BIN1: variants seen among roughly 807,000 people sequenced by gnomAD.
The protein encoded by BIN1 is bridging integrator 1, also known as myc box-dependent-interacting protein 1.
Under a neutral mutation model 82.0 loss-of-function variants are expected in BIN1, and 53 were observed. That is an observed-to-expected ratio of 0.65 (90% CI 0.52 to 0.81). The LOEUF (loss-of-function observed/expected upper bound fraction) is 0.81, where lower values mean the gene tolerates loss of function less well. Among genes scored for constraint, BIN1 ranks in the 40% least tolerant of loss-of-function variants. The probability of loss-of-function intolerance (pLI) is 0.00; values close to 1 mark genes in which losing one functional copy is unlikely to be tolerated. For missense variants in BIN1, 642 were observed against 784.4 expected, an observed-to-expected ratio of 0.82 and a Z score of 2.17; for synonymous variants, 302 against 328.0, an observed-to-expected ratio of 0.92 and a Z score of 0.86.
intron 17 of BIN1, 40 bp from the exon 18 acceptor site, chr2:127,050,562 A>G (rs752227751): frequency 1.5e-5 from 24 of 1,607,432 alleles, no homozygotes; most frequent in Non-Finnish European, 2.0e-5. Context: ...CTTCCGTCCC[A>G]CCTCCAGCCC....
intron 1 of BIN1, among the ~76,000 whole-genome samples, chr2:127,100,275 A>G (rs1573813542): frequency 6.6e-6 from 1 of 152,330 alleles, no homozygotes; most frequent in East Asian, 1.9e-4. Context: ...CACACACTCC[A>G]AAGTGCAAGC....
rs1681250618 is a variant in BIN1, at chr2:127,107,017, C to A, written c.-74G>T. ...ATCTTGCGCGCCGCGCTCCCAGCCCCCAGCCCCGGCCGCGCGTCCAGACCG... is the reference window on the plus strand; with the variant it reads ...ATCTTGCGCGCCGCGCTCCCAGCCCACAGCCCCGGCCGCGCGTCCAGACCG... On this transcript the variant is annotated 5_prime_UTR_variant, in exon 1 of 19. Transcript: ENST00000316724. The surrounding 1 kb of genome is among the most constrained non-coding windows in gnomAD (Gnocchi z 5.9). The A allele has an allele frequency of 4.9e-6, 7 of 1,428,106 alleles. No homozygotes were observed. The highest frequency in any genetic ancestry group is 5.5e-6 in the Non-Finnish European group (6 of 1,089,514). 88.5% of individuals were successfully genotyped at this position (1,428,106 alleles called of 1,614,324 possible). A position where few individuals can be genotyped will look rare whatever the true frequency, so the allele number is the denominator to read the frequency against.
intron 1 of BIN1, among the ~76,000 whole-genome samples, chr2:127,096,846 G>C (rs1045588314): frequency 2.6e-5 from 4 of 152,234 alleles, no homozygotes; most frequent in Non-Finnish European, 4.4e-5. Flanking sequence ...GCCCCAGAGA[G>C]ATGGTGAGCT....
rs900859369 is a variant in BIN1, at chr2:127,068,563, CCTA to C, written c.520-311_520-309del. Among the ~76,000 whole-genome samples the C allele has an allele frequency of 2.9e-4, 44 of 152,222 alleles. No individual in the cohort carries two copies. Among genetic ancestry groups the C allele is most frequent in the Admixed American group, 7.2e-4 (11 of 15,292 alleles). On this transcript the variant is annotated intron_variant, in intron 6 of 18. Transcript: ENST00000316724. This position sits in a 1 kb window ranked among gnomAD's most constrained non-coding sequence, Gnocchi z 4.9. The stretch of plus-strand genomic sequence containing the variant: ...AAGGATGAGTGGGGCCAGCTCTGCA[CCTA>C]CTGGCTCGCTCCAGCCAGGGACAGG...
chr2:127,063,724 G>A (rs960940325), intron 8 of BIN1, 78 bp from the exon 9 acceptor site: 11 of 1,496,566 alleles, frequency 7.4e-6, no homozygotes, highest in African/African-American at 1.4e-5. Flanking sequence ...ACCCACGAGC[G>A]ACCACACACG....
At chr2:127,050,969 C>T in intron 16 of BIN1, 57 bp from the exon 17 acceptor site, 4 of 1,570,142 alleles carry the variant, frequency 2.5e-6, no homozygotes, top group Non-Finnish European at 3.5e-6. Context: ...ACAGCCAGGG[C>T]CACCGAGGAG....
At chr2:127,052,029 C>A (rs1683022277) in intron 15 of BIN1, among the ~76,000 whole-genome samples, 2 of 152,348 alleles carry the variant, frequency 1.3e-5, no homozygotes, top group East Asian at 3.9e-4. Context: ...GGAGGCTGGG[C>A]TGGGGTGGGC....
At chr2:127,076,568 T>G in intron 2 of BIN1, 58 bp downstream of exon 2, 2 of 1,599,246 alleles carry the variant, frequency 1.3e-6, no homozygotes, top group South Asian at 1.1e-5. Flanking sequence ...CGTGCCATTT[T>G]TCACCTGGCA....
chr2:127,077,900 G>T (rs913862037), intron 1 of BIN1, among the ~76,000 whole-genome samples: 1 of 152,114 alleles, frequency 6.6e-6, no homozygotes, highest in South Asian at 2.1e-4. Context: ...GAAGGAAACG[G>T]GGGTAGGGGA....
chr2:127,102,313 T>C (rs1680456551), intron 1 of BIN1, among the ~76,000 whole-genome samples: 1 of 152,160 alleles, frequency 6.6e-6, no homozygotes, highest in African/African-American at 2.4e-5. Context: ...CCTGGTCAGA[T>C]GCCAGTGAGA....
chr2:127,091,964 A>ACATGCGGAGGGAGTCACGT (rs1678990357), intron 1 of BIN1, among the ~76,000 whole-genome samples: 1 of 148,422 alleles, frequency 6.7e-6, no homozygotes. Flanking sequence ...GGGGACAAGA[A>ACATGCGGAGGGAGTCACGT]CATGCGGAGG....
intron 18 of BIN1, among the ~76,000 whole-genome samples, chr2:127,049,777 T>C (rs1420456774): frequency 6.6e-6 from 1 of 151,638 alleles, no homozygotes; most frequent in East Asian, 1.9e-4. Context: ...TCCAGGAGGG[T>C]CCCAGACCTA....
At chr2:127,060,575 C>G (rs200135186) in intron 10 of BIN1, 32 of 1,613,930 alleles carry the variant, frequency 2.0e-5, no homozygotes, top group Non-Finnish European at 2.6e-5. Flanking sequence ...TGCGCCCCTC[C>G]GCAGCACTCA....
chr2:127,067,649 G>A lies in BIN1; in HGVS notation c.612+514C>T, dbSNP rs561693196. 3.3e-5 allele frequency among the ~76,000 whole-genome samples: 5 copies of A among 152,322 alleles called. No homozygotes were observed. The highest frequency in any genetic ancestry group is 6.5e-5 in the Admixed American group (1 of 15,306). ...GGACCACAAGTCCGAGGAAAATGAC[G>A]CAGGGGCTTCAGTCAGGAGAGCCCC... is the stretch of plus-strand genomic sequence containing the variant. On this transcript the variant is annotated intron_variant, in intron 7 of 18. Coordinates refer to ENST00000316724, the MANE Select transcript of BIN1 (RefSeq NM_139343.3). This position sits in a 1 kb window ranked among gnomAD's most constrained non-coding sequence, Gnocchi z 4.7.
At chr2:127,106,406 T>G (rs1681132557) in intron 1 of BIN1, among the ~76,000 whole-genome samples, 1 of 152,174 alleles carries the variant, frequency 6.6e-6, no homozygotes, top group Non-Finnish European at 1.5e-5. Context: ...GGGGGAATAG[T>G]GTCCCCAGGG....
intron 9 of BIN1, among the ~76,000 whole-genome samples, chr2:127,062,616 T>C (rs1318353775): frequency 1.3e-5 from 2 of 151,970 alleles, no homozygotes; most frequent in African/African-American, 4.8e-5. Context: ...CGAGCGGAGG[T>C]TTATTCCTCA....
intron 12 of BIN1, chr2:127,054,280 C>T: frequency 3.9e-6 from 2 of 508,742 alleles, no homozygotes; most frequent in South Asian, 4.1e-5. Context: ...CAGTGCCCGC[C>T]TCAAACTCCC....
chr2:127,051,831 G>A (rs1682998328), intron 15 of BIN1, among the ~76,000 whole-genome samples: 2 of 152,194 alleles, frequency 1.3e-5, no homozygotes, highest in Non-Finnish European at 2.9e-5. Context: ...GGCTGACCTG[G>A]GCCGACACTC....
intron 1 of BIN1, among the ~76,000 whole-genome samples, chr2:127,096,820 AG>A (rs1679662661): frequency 6.6e-6 from 1 of 152,220 alleles, no homozygotes; most frequent in African/African-American, 2.4e-5. Flanking sequence ...CCCTGGACTC[AG>A]GCATCTTGGC....
Sources: gnomAD v4.1 joint callset for allele counts (sites outside exome capture counted in the v4.1 genomes callset) on GRCh38, gnomAD v4.1.1 for gene constraint, Gnocchi (gnomAD v3.1) non-coding constraint, MANE v1.5 for transcripts, NCBI Gene and HGNC (gene_info 2026-07-23, HGNC 2026-07-21) for gene names.